DNAI3: variants seen among roughly 807,000 people sequenced by gnomAD.
DNAI3 encodes the protein dynein axonemal intermediate chain 3.
A neutral mutation model predicts 115.5 loss-of-function variants in DNAI3; 83 were observed. The ratio of observed to expected loss-of-function variants is 0.72; its 90% confidence interval spans 0.60 to 0.86. The LOEUF (loss-of-function observed/expected upper bound fraction) is 0.86, where lower values mean the gene tolerates loss of function less well. Among genes scored for constraint, DNAI3 ranks in the 40% least tolerant of loss-of-function variants. The pLI, the probability that DNAI3 is intolerant of heterozygous loss-of-function variation, is 0.00. For synonymous variants in DNAI3, 320 were observed against 347.0 expected (o/e 0.92, Z 0.86); for missense variants, 1,004 against 1,075.8 (o/e 0.93, Z 0.93).
Position 85,121,826 on chromosome 1 carries a change from G to T in DNAI3, c.1981+12G>T. The T allele has an allele frequency of 6.2e-7, 1 of 1,613,800 alleles. No individual in the cohort carries two copies. Among genetic ancestry groups the T allele is most frequent in the Non-Finnish European group, 8.5e-7 (1 of 1,179,682 alleles). ...TGGCCGACTTATGTGTAAGTTTTGT[G>T]ATTGCCCTGTTATTAATAAGATGTT... is the stretch of plus-strand genomic sequence containing the variant. On this transcript the variant is annotated intron_variant, in intron 18 of 22. Transcript: ENST00000294664.
chr1:85,076,765 G>A (rs975432686), intron 3 of DNAI3, among the ~76,000 whole-genome samples: 5 of 152,054 alleles, frequency 3.3e-5, no homozygotes, highest in African/African-American at 1.2e-4. Context: ...ATTTGGGTGG[G>A]GACACAGCAA....
At chr1:85,116,677 A>G (rs575131609) in intron 16 of DNAI3, among the ~76,000 whole-genome samples, 1 of 152,330 alleles carries the variant, frequency 6.6e-6, no homozygotes, top group African/African-American at 2.4e-5. Flanking sequence ...TACATGTATT[A>G]TAAATAATAT....
intron 17 of DNAI3, among the ~76,000 whole-genome samples, chr1:85,118,457 G>A (rs1655897734): frequency 6.6e-6 from 1 of 152,146 alleles, no homozygotes; most frequent in African/African-American, 2.4e-5. Flanking sequence ...ATGAGGCTCA[G>A]AACTTTATCT....
intron 3 of DNAI3, 79 bp downstream of exon 3, chr1:85,073,171 A>T: frequency 9.5e-7 from 1 of 1,056,946 alleles, no homozygotes; most frequent in Non-Finnish European, 1.3e-6. Flanking sequence ...CAGGAATACT[A>T]CAAACTGAAG....
At chr1:85,132,512 A>G (rs1002120960) in intron 22 of DNAI3, among the ~76,000 whole-genome samples, 3 of 152,206 alleles carry the variant, frequency 2.0e-5, no homozygotes, top group Admixed American at 2.0e-4. Context: ...TGCCATCCAT[A>G]TGGACTCAGA....
intron 18 of DNAI3, among the ~76,000 whole-genome samples, chr1:85,122,652 G>A (rs1221496668): frequency 1.3e-5 from 2 of 152,244 alleles, no homozygotes; most frequent in Non-Finnish European, 2.9e-5. Flanking sequence ...CAGTGTGGTA[G>A]AGCAGCTGGA....
intron 17 of DNAI3, among the ~76,000 whole-genome samples, chr1:85,121,248 A>G (rs941980253): frequency 9.8e-5 from 15 of 152,336 alleles, no homozygotes; most frequent in African/African-American, 2.9e-4. Context: ...ACAGAATAAG[A>G]ATACATATCG....
At position 85,094,414 on chromosome 1, in the gene DNAI3, A is replaced by G. The variant is rs1655068123; in HGVS notation, c.1049-17A>G. 3 of 1,613,724 alleles carry G rather than the reference A, an allele frequency of 1.9e-6. No individual in the cohort carries two copies. Among genetic ancestry groups the G allele is most frequent in the African/African-American group, 1.3e-5 (1 of 74,910 alleles). On this transcript the variant is annotated splice_polypyrimidine_tract_variant and intron_variant, in intron 9 of 22. Coordinates refer to ENST00000294664, the MANE Select transcript of DNAI3 (RefSeq NM_145172.5). ...ATAGTTGCTGCCAACTTTAATTTCT[A>G]CATGTGTTTCCATCAGGGCTAATAG...
chr1:85,097,778 T>C, intron 12 of DNAI3, 123 bp downstream of exon 12: 1 of 860,012 alleles, frequency 1.2e-6, no homozygotes, highest in East Asian at 2.8e-5. Context: ...AAAAAGAATG[T>C]TATTTCCCAA....
intron 22 of DNAI3, among the ~76,000 whole-genome samples, chr1:85,130,667 T>TGATAGATAGATA (rs71736981): frequency 5.9e-4 from 88 of 148,480 alleles, no homozygotes; most frequent in South Asian, 8.9e-4. Context: ...ATTAGATAGA[T>TGATAGATAGATA]GATAGATAGA....
intron 18 of DNAI3, among the ~76,000 whole-genome samples, 167 bp downstream of exon 18, chr1:85,121,981 C>T (rs1026664848): frequency 6.6e-6 from 1 of 152,070 alleles, no homozygotes; most frequent in Admixed American, 6.5e-5. Context: ...ATAGTCATCA[C>T]CTGGGAACTT....
At chr1:85,086,954 T>G (rs149679830) in intron 7 of DNAI3, among the ~76,000 whole-genome samples, 246 of 152,054 alleles carry the variant, frequency 1.6e-3, no homozygotes, top group Non-Finnish European at 2.9e-3. Context: ...TCTGCCCTAA[T>G]CTCCCACAGT....
chr1:85,117,864 AT>A lies in DNAI3; in HGVS notation c.1917+7del. On this transcript the variant is annotated splice_donor_region_variant and intron_variant, in intron 17 of 22. Transcript: ENST00000294664. ...AAGTTCTTTGTGGGAACAGAGGTAAATTGGGATTATCTGCTTTTAAAATTAA... is the reference window on the plus strand; with the variant it reads ...AAGTTCTTTGTGGGAACAGAGGTAAATGGGATTATCTGCTTTTAAAATTAA... The A allele has an allele frequency of 6.2e-7, 1 of 1,610,762 alleles. No individual in the cohort carries two copies. Among genetic ancestry groups the A allele is most frequent in the Non-Finnish European group, 8.5e-7 (1 of 1,178,058 alleles).
intron 1 of DNAI3, among the ~76,000 whole-genome samples, chr1:85,069,596 C>G (rs1654206332): frequency 1.3e-5 from 2 of 151,952 alleles, no homozygotes; most frequent in Admixed American, 1.3e-4. Flanking sequence ...CCATGTTGGC[C>G]AGGTTGATCT....
At chr1:85,122,181 A>G (rs1262900566) in intron 18 of DNAI3, among the ~76,000 whole-genome samples, 2 of 152,242 alleles carry the variant, frequency 1.3e-5, no homozygotes, top group African/African-American at 4.8e-5. Flanking sequence ...CAATAATTCA[A>G]TAACCTGGTA....
At chr1:85,106,072 G>A (rs975958600) in intron 14 of DNAI3, among the ~76,000 whole-genome samples, 7 of 151,946 alleles carry the variant, frequency 4.6e-5, no homozygotes, top group Admixed American at 2.0e-4. Flanking sequence ...CCCAGGAGGC[G>A]GAGGTTTCAG....
In DNAI3 at chr1:85,075,890, G is replaced by A. The variant is rs148011773; in HGVS notation, c.103+2798G>A. ...ACCCAAATTATAATACGAGTTAGTG[G>A]TATATGAGTTGCCTATTGCTGCTGT... is the stretch of plus-strand genomic sequence containing the variant. On this transcript the variant is annotated intron_variant, in intron 3 of 22. Coordinates refer to ENST00000294664, the MANE Select transcript of DNAI3 (RefSeq NM_145172.5). Among the ~76,000 whole-genome samples, 511 of 152,254 alleles carry A rather than the reference G, an allele frequency of 3.4e-3. 4 individuals carry two copies. Among genetic ancestry groups the A allele is most frequent in the African/African-American group, 0.012 (495 of 41,540 alleles).
intron 1 of DNAI3, among the ~76,000 whole-genome samples, chr1:85,064,253 T>G (rs1203623493): frequency 6.6e-6 from 1 of 152,086 alleles, no homozygotes; most frequent in African/African-American, 2.4e-5. Flanking sequence ...CAGAGGAGGC[T>G]GTGGGAGAGA....
chr1:85,107,422 T>C (rs1434594392), intron 14 of DNAI3, among the ~76,000 whole-genome samples: 3 of 152,182 alleles, frequency 2.0e-5, no homozygotes, highest in East Asian at 3.8e-4. Flanking sequence ...GAAGTCCTGA[T>C]ACGTGCCAGC....
Sources: allele counts gnomAD v4.1 joint callset (sites outside exome capture counted in the v4.1 genomes callset), GRCh38; gene constraint gnomAD v4.1.1; transcripts MANE v1.5; gene names NCBI Gene and HGNC (gene_info 2026-07-23, HGNC 2026-07-21).